Variants in ZNF697 observed in about 807,000 individuals in gnomAD.
ZNF697 encodes zinc finger protein 697.
ZNF697 carries 23 observed loss-of-function variants against 32.4 expected under a neutral mutation model. The observed-to-expected ratio is 0.71, with a 90% CI of 0.51 to 1.01. ZNF697 has a LOEUF of 1.01. Among genes scored for constraint, ZNF697 ranks in the 50% least tolerant of loss-of-function variants. The pLI is 0.00. For missense variants in ZNF697, 930 were observed against 794.0 expected (o/e 1.17, Z -2.06); for synonymous variants, 418 against 337.2 (o/e 1.24, Z -2.62).
rs974590095 is a variant in ZNF697, at chr1:119,622,671, C to G, written c.*34G>C. 3.2e-5 allele frequency: 48 copies of G among 1,477,584 alleles called. No homozygotes were observed. The highest frequency in any genetic ancestry group is 4.2e-5 in the Non-Finnish European group (47 of 1,113,458). 91.5% of individuals were successfully genotyped at this position (1,477,584 alleles called of 1,614,324 possible). The stretch of plus-strand genomic sequence containing the variant: ...TCCCAGGATATCTACCCCCCACAGG[C>G]TCCCCAGACGGCAGCCTCCCGCGGA... On this transcript the variant is annotated 3_prime_UTR_variant, in exon 3 of 3. Coordinates refer to ENST00000421812, the MANE Select transcript of ZNF697 (RefSeq NM_001080470.2).
intron 1 of ZNF697, among the ~76,000 whole-genome samples, chr1:119,629,047 C>T (rs1466019795): frequency 6.6e-6 from 1 of 152,128 alleles, no homozygotes; most frequent in East Asian, 1.9e-4. Flanking sequence ...AGTGACTAGT[C>T]CAAAGTCATA....
chr1:119,623,727 GCAGGAAGGCGGCGCCAGGACTGAAGCT>G lies in ZNF697; in HGVS notation c.589_615del (p.Ser197_Leu205del). On this transcript the variant is annotated inframe_deletion, in exon 3 of 3. Coordinates refer to ENST00000421812, the MANE Select transcript of ZNF697 (RefSeq NM_001080470.2). ...GCCAGGCGGTGAATGCGCTGGTGCT[GCAGGAAGGCGGCGCCAGGACTGAAGCT>G]CTCCCCGCAGTCGGGGCAGATGGTG... 6.5e-7 allele frequency: 1 copy of G among 1,528,528 alleles called. No individual in the cohort carries two copies. The highest frequency in any genetic ancestry group is 8.8e-7 in the Non-Finnish European group (1 of 1,138,864). 94.7% of individuals were successfully genotyped at this position (1,528,528 alleles called of 1,614,324 possible). A position where few individuals can be genotyped will look rare whatever the true frequency, so the allele number is the denominator to read the frequency against.
chr1:119,636,114 C>T (rs1158910888), intron 1 of ZNF697, among the ~76,000 whole-genome samples: 2 of 152,152 alleles, frequency 1.3e-5, no homozygotes, highest in Non-Finnish European at 2.9e-5. Context: ...CTAAGTCATT[C>T]ATCAGGTTCA....
chr1:119,644,048 G>C (rs1649144746), intron 1 of ZNF697, among the ~76,000 whole-genome samples: 1 of 152,202 alleles, frequency 6.6e-6, no homozygotes, highest in African/African-American at 2.4e-5. Flanking sequence ...CCATATGCCA[G>C]GTTGTGTTCT....
At chr1:119,643,916 C>T (rs895329377) in intron 1 of ZNF697, among the ~76,000 whole-genome samples, 64 of 152,168 alleles carry the variant, frequency 4.2e-4, no homozygotes, top group Non-Finnish European at 4.4e-5. Flanking sequence ...AATAATTATC[C>T]TCTCTTTCTA....
At chr1:119,628,456 A>C (rs144382818) in intron 1 of ZNF697, among the ~76,000 whole-genome samples, 81 of 152,336 alleles carry the variant, frequency 5.3e-4, no homozygotes, top group African/African-American at 1.9e-3. Context: ...GGGGAGAACC[A>C]GAGTGAGTTC....
chr1:119,628,019 A>G (rs1371185473), intron 1 of ZNF697, among the ~76,000 whole-genome samples: 1 of 129,174 alleles, frequency 7.7e-6, no homozygotes, highest in Non-Finnish European at 1.6e-5. Flanking sequence ...ATTAAACATG[A>G]CCTATTGATT....
At chr1:119,637,807 C>T (rs1648963569) in intron 1 of ZNF697, among the ~76,000 whole-genome samples, 1 of 151,922 alleles carries the variant, frequency 6.6e-6, no homozygotes, top group Non-Finnish European at 1.5e-5. Flanking sequence ...AAAAACAGAA[C>T]ATCTTGTTGG....
chr1:119,642,257 C>T (rs1310160890), intron 1 of ZNF697, among the ~76,000 whole-genome samples: 1 of 152,152 alleles, frequency 6.6e-6, no homozygotes, highest in African/African-American at 2.4e-5. Context: ...ATGTCTAGGA[C>T]AGTGAAACTA....
At chr1:119,637,293 A>G (rs1048225036) in intron 1 of ZNF697, among the ~76,000 whole-genome samples, 1 of 152,230 alleles carries the variant, frequency 6.6e-6, no homozygotes, top group Admixed American at 6.5e-5. Context: ...AGTTCATCCA[A>G]TGTGACCCAT....
intron 1 of ZNF697, among the ~76,000 whole-genome samples, chr1:119,637,556 T>A (rs1460447556): frequency 3.3e-5 from 5 of 152,194 alleles, no homozygotes; most frequent in African/African-American, 1.2e-4. Context: ...TGCACCACAT[T>A]CTCCCAACCC....
At chr1:119,642,563 A>G (rs74653427) in intron 1 of ZNF697, among the ~76,000 whole-genome samples, 3,275 of 152,264 alleles carry the variant, frequency 0.022, 111 homozygotes, top group African/African-American at 0.076. Context: ...TACATAATGT[A>G]CATATATGTA....
At chr1:119,640,106 A>G (rs747152207) in intron 1 of ZNF697, among the ~76,000 whole-genome samples, 4 of 152,214 alleles carry the variant, frequency 2.6e-5, no homozygotes, top group Non-Finnish European at 5.9e-5. Context: ...TTTAAATAGA[A>G]TCATACTTAC....
In ZNF697 at chr1:119,623,700, C is replaced by T. The variant is rs1446943112; in HGVS notation, c.643G>A (p.Glu215Lys). Residue 215 changes from glutamate to lysine, a missense_variant, in exon 3 of 3, where the codon GAG becomes AAG. Glu to Lys is a moderately conservative substitution (Grantham distance 56, BLOSUM62 1). Coordinates refer to ENST00000421812, the MANE Select transcript of ZNF697 (RefSeq NM_001080470.2). Reference protein sequence around the residue: ...LQHQRIHRLAEAAAAASLEPF... With the variant: ...LQHQRIHRLAKAAAAASLEPF... ...TCCAGGCTGGCGGCGGCAGCGGCCT[C>T]AGCCAGGCGGTGAATGCGCTGGTGC... is the stretch of plus-strand genomic sequence containing the variant. The T allele has an allele frequency of 6.5e-7, 1 of 1,533,372 alleles. No individual in the cohort carries two copies. Among genetic ancestry groups the T allele is most frequent in the Non-Finnish European group, 8.7e-7 (1 of 1,145,456 alleles). The allele number at this position is 1,533,372 out of a possible 1,614,324, so 95.0% of individuals were successfully genotyped here. A position where few individuals can be genotyped will look rare whatever the true frequency, so the allele number is the denominator to read the frequency against.
chr1:119,636,517 A>T (rs1321815045), intron 1 of ZNF697, among the ~76,000 whole-genome samples: 1 of 152,188 alleles, frequency 6.6e-6, no homozygotes, highest in African/African-American at 2.4e-5. Context: ...AAGAGAAGAT[A>T]ATGGCAGTAA....
intron 1 of ZNF697, among the ~76,000 whole-genome samples, chr1:119,637,795 A>G (rs972628937): frequency 2.0e-5 from 3 of 152,210 alleles, no homozygotes; most frequent in Non-Finnish European, 4.4e-5. Context: ...TTTTTACTAG[A>G]GAAAAACAGA....
At position 119,626,094 on chromosome 1, in the gene ZNF697, G is replaced by T; in HGVS notation, c.7C>A (p.Gln3Lys). 1 of 1,613,776 alleles carries T rather than the reference G, an allele frequency of 6.2e-7. No homozygotes were observed. The highest frequency in any genetic ancestry group is 8.5e-7 in the Non-Finnish European group (1 of 1,179,812). MKQEDNQGVCAHQ... is the reference protein window; with the variant it reads MKKEDNQGVCAHQ... Reference sequence around the variant, plus strand: ...GCACAGACACCCTGATTATCTTCTTGTTTCATCCAGGAAGAAAAGAGCAAG... The same window carrying T: ...GCACAGACACCCTGATTATCTTCTTTTTTCATCCAGGAAGAAAAGAGCAAG... Residue 3 changes from glutamine (Q) to lysine (K), a missense_variant, in exon 2 of 3, where the codon CAA (glutamine) becomes AAA (lysine). Coordinates refer to ENST00000421812, the MANE Select transcript of ZNF697 (RefSeq NM_001080470.2).
chr1:119,628,064 G>A (rs1648647903), intron 1 of ZNF697, among the ~76,000 whole-genome samples: 1 of 127,458 alleles, frequency 7.8e-6, no homozygotes, highest in Non-Finnish European at 1.6e-5. Flanking sequence ...GCGTTGGCGG[G>A]GCGGGGGGCG....
At chr1:119,642,571 G>A (rs1301124382) in intron 1 of ZNF697, among the ~76,000 whole-genome samples, 4 of 152,024 alleles carry the variant, frequency 2.6e-5, no homozygotes, top group Non-Finnish European at 5.9e-5. Flanking sequence ...GTACATATAT[G>A]TAAGCTATCT....
Sources: allele counts gnomAD v4.1 joint callset (sites outside exome capture counted in the v4.1 genomes callset), GRCh38; gene constraint gnomAD v4.1.1; transcripts MANE v1.5; gene names NCBI Gene and HGNC (gene_info 2026-07-23, HGNC 2026-07-21).